Variants in MOXD1 observed in about 807,000 individuals in gnomAD.
MOXD1 encodes the protein DBH-like monooxygenase protein 1.
In MOXD1, 62 loss-of-function variants were observed where a neutral mutation model predicts 66.6. The observed-to-expected ratio is 0.93, with a 90% CI of 0.76 to 1.15. The LOEUF (loss-of-function observed/expected upper bound fraction) is 1.15. Among genes scored for constraint, MOXD1 ranks in the 50% most tolerant of loss-of-function variants. The pLI, the probability that MOXD1 is intolerant of heterozygous loss-of-function variation, is 0.00. For missense variants in MOXD1, 847 were observed against 754.6 expected (o/e 1.12, Z -1.44); for synonymous variants, 303 against 281.9 (o/e 1.07, Z -0.75).
chr6:132,349,474 T>TATATAC (rs1775756719), intron 4 of MOXD1, among the ~76,000 whole-genome samples: 6 of 39,200 alleles, frequency 1.5e-4, no homozygotes, highest in African/African-American at 4.5e-4. Context: ...TACATATATA[T>TATATAC]ATATATACAT....
intron 1 of MOXD1, among the ~76,000 whole-genome samples, chr6:132,393,642 C>G (rs1383002340): frequency 6.6e-6 from 1 of 152,120 alleles, no homozygotes; most frequent in African/African-American, 2.4e-5. Context: ...ACAGGGAGCT[C>G]ATGCTGAGTC....
At position 132,334,345 on chromosome 6, in the gene MOXD1, T is replaced by C. The variant is rs562406963; in HGVS notation, c.664-5751A>G. Among the ~76,000 whole-genome samples the C allele has an allele frequency of 3.3e-5, 5 of 152,312 alleles. No individual in the cohort carries two copies. In the East Asian group the frequency reaches 7.7e-4, roughly 24 times the overall value. ...CACTACCTCTGAAATTCTCTTTCTGTGCCTCTTTCCTTTCCTGTTAGCTCT... is the reference window on the plus strand; with the variant it reads ...CACTACCTCTGAAATTCTCTTTCTGCGCCTCTTTCCTTTCCTGTTAGCTCT... On this transcript the variant is annotated intron_variant, in intron 4 of 11. Coordinates refer to ENST00000367963, the MANE Select transcript of MOXD1 (RefSeq NM_015529.4).
chr6:132,342,945 G>A (rs1454967728), intron 4 of MOXD1, among the ~76,000 whole-genome samples: 1 of 152,112 alleles, frequency 6.6e-6, no homozygotes, highest in Non-Finnish European at 1.5e-5. Flanking sequence ...GTTTTATGGA[G>A]GATGAAAAAC....
In MOXD1 at chr6:132,324,052, A is replaced by G. The variant is rs772784972; in HGVS notation, c.992T>C (p.Ile331Thr). Residue 331 changes from isoleucine to threonine, a missense_variant, in exon 7 of 12, where the codon ATA becomes ACA. Physicochemically the swap from Ile to Thr is moderately conservative, Grantham distance 89. Coordinates refer to ENST00000367963, the MANE Select transcript of MOXD1 (RefSeq NM_015529.4). The part of the protein sequence containing the change: ...SGLRLFYTMD[I>T]RKYDAGVIEA... ...AATCACCCCAGCATCATATTTCCTT[A>G]TATCCATTGTGTAAAATAACCTCAG... 4 of 1,613,752 alleles carry G rather than the reference A, an allele frequency of 2.5e-6. No individual in the cohort carries two copies. In the African/African-American group the frequency reaches 5.3e-5, roughly 22 times the overall value.
chr6:132,328,558 C>T lies in MOXD1; in HGVS notation c.700G>A (p.Val234Met). ...PVIQRGHESL[V>M]HHILLYQCSN... ...CACTGATAGAGCAGGATGTGGTGCA[C>T]CAGACTCTCATGGCCTCTCTGTATC... Residue 234 changes from valine (V) to methionine (M), a missense_variant, in exon 5 of 12, where the codon GTG becomes ATG. Coordinates refer to ENST00000367963, the MANE Select transcript of MOXD1 (RefSeq NM_015529.4). 1.2e-6 allele frequency: 2 copies of T among 1,614,054 alleles called. No homozygotes were observed. The highest frequency in any genetic ancestry group is 1.7e-6 in the Non-Finnish European group (2 of 1,179,998).
chr6:132,303,829 GTGTGTGTATATATATATATA>G (rs1562276352), intron 10 of MOXD1, among the ~76,000 whole-genome samples: 45 of 70,612 alleles, frequency 6.4e-4, no homozygotes, highest in African/African-American at 1.3e-3. Flanking sequence ...GTGTGTGTGT[GTGTGTGTATATATATATATA>G]TATATATATA....
chr6:132,358,199 T>G (rs1462547019), intron 4 of MOXD1, among the ~76,000 whole-genome samples: 4 of 152,214 alleles, frequency 2.6e-5, no homozygotes, highest in Non-Finnish European at 4.4e-5. Flanking sequence ...GGAAGGGCCC[T>G]TCAAGCTTAG....
At chr6:132,385,287 C>T (rs1776602413) in intron 1 of MOXD1, among the ~76,000 whole-genome samples, 1 of 152,008 alleles carries the variant, frequency 6.6e-6, no homozygotes, top group Admixed American at 6.6e-5. Flanking sequence ...AAGTAATGTA[C>T]CACCAGGGGA....
At chr6:132,325,849 C>T (rs1042741231) in intron 6 of MOXD1, among the ~76,000 whole-genome samples, 13 of 152,174 alleles carry the variant, frequency 8.5e-5, no homozygotes, top group African/African-American at 2.7e-4. Context: ...ACAGTGGTCA[C>T]ACATCTACCA....
chr6:132,347,464 G>A (rs1775689672), intron 4 of MOXD1, among the ~76,000 whole-genome samples: 1 of 152,124 alleles, frequency 6.6e-6, no homozygotes, highest in South Asian at 2.1e-4. Context: ...ATCACTTGAG[G>A]TCAGAAGTTA....
In MOXD1 at chr6:132,401,150, G is replaced by T; in HGVS notation, c.264+13C>A. 1 of 1,494,506 alleles carries T rather than the reference G, an allele frequency of 6.7e-7. No individual in the cohort carries two copies. The highest frequency in any genetic ancestry group is 8.9e-7 in the Non-Finnish European group (1 of 1,126,570). The allele number at this position is 1,494,506 out of a possible 1,614,324, so 92.6% of individuals were successfully genotyped here. A position where few individuals can be genotyped will look rare whatever the true frequency, so the allele number is the denominator to read the frequency against. The stretch of plus-strand genomic sequence containing the variant: ...GGCTCGGCCGGGCGGGCTCCGGGAG[G>T]AGACGCGCTTACCTGGAGGTAGGGC... On this transcript the variant is annotated intron_variant, in intron 1 of 11. Transcript: ENST00000367963.
At chr6:132,322,908 T>C (rs950897746) in intron 7 of MOXD1, 38 bp from the exon 8 acceptor site, 1 of 1,535,404 alleles carries the variant, frequency 6.5e-7, no homozygotes, top group African/African-American at 1.4e-5. Flanking sequence ...TTAGCCCACA[T>C]TAATGCATGT....
chr6:132,392,179 T>C (rs1421538069), intron 1 of MOXD1: 1 of 1,567,674 alleles, frequency 6.4e-7, no homozygotes, highest in East Asian at 2.3e-5. Flanking sequence ...GAATGCTCAC[T>C]GTTTTCTGTG....
rs551223384 is a variant in MOXD1, at chr6:132,363,458, T to C, written c.663+9150A>G. On this transcript the variant is annotated intron_variant, in intron 4 of 11. Transcript: ENST00000367963. Reference sequence around the variant, plus strand: ...AGAACTCATGGCTGGATATAAGCTATCAGACTTCTTCCACGCAAATTATTT... The same window carrying C: ...AGAACTCATGGCTGGATATAAGCTACCAGACTTCTTCCACGCAAATTATTT... 3.9e-3 allele frequency among the ~76,000 whole-genome samples: 593 copies of C among 152,332 alleles called. 4 individuals are homozygous for C. The highest frequency in any genetic ancestry group is 0.034 in the Middle Eastern group (10 of 294).
At chr6:132,365,246 T>C (rs1776095399) in intron 4 of MOXD1, among the ~76,000 whole-genome samples, 1 of 152,166 alleles carries the variant, frequency 6.6e-6, no homozygotes, top group Admixed American at 6.5e-5. Flanking sequence ...CTGGGGATTC[T>C]GGGGCACTTT....
At chr6:132,327,127 A>T (rs73546013) in intron 6 of MOXD1, among the ~76,000 whole-genome samples, 1,760 of 152,232 alleles carry the variant, frequency 0.012, 49 homozygotes, top group African/African-American at 0.041. Flanking sequence ...CCAGATGAAC[A>T]GTTTGATTCT....
chr6:132,352,514 A>G (rs2114628153), intron 4 of MOXD1, among the ~76,000 whole-genome samples: 1 of 152,078 alleles, frequency 6.6e-6, no homozygotes, highest in East Asian at 1.9e-4. Flanking sequence ...TATAATTTCA[A>G]TTTTCTTAAA....
rs950709958 is a variant in MOXD1, at chr6:132,296,904, A to C, written c.*249T>G. On this transcript the variant is annotated 3_prime_UTR_variant, in exon 12 of 12. Coordinates refer to ENST00000367963, the MANE Select transcript of MOXD1 (RefSeq NM_015529.4). ...CCCACATGACAGCCCAATTTTTTAA[A>C]ATGGTTATCTTAAGTCAGGCCAGTT... The C allele has an allele frequency of 6.6e-6, 2 of 302,198 alleles. No individual in the cohort carries two copies. The highest frequency in any genetic ancestry group is 4.3e-5 in the African/African-American group (2 of 46,952). 18.7% of individuals were successfully genotyped at this position (302,198 alleles called of 1,614,324 possible).
At chr6:132,364,675 G>A (rs1776081198) in intron 4 of MOXD1, among the ~76,000 whole-genome samples, 1 of 152,134 alleles carries the variant, frequency 6.6e-6, no homozygotes, top group South Asian at 2.1e-4. Context: ...CATTATCTCT[G>A]TGACTTAAGA....
Sources: allele counts gnomAD v4.1 joint callset (sites outside exome capture counted in the v4.1 genomes callset), GRCh38; gene constraint gnomAD v4.1.1; transcripts MANE v1.5; gene names NCBI Gene and HGNC (gene_info 2026-07-23, HGNC 2026-07-21).